The following HERC4 variants were observed in gnomAD, a reference collection of about 807,000 sequenced individuals.
The protein encoded by HERC4 is HECT and RLD domain containing E3 ubiquitin protein ligase 4.
HERC4 carries 28 observed loss-of-function variants against 124.3 expected under a neutral mutation model. That is an observed-to-expected ratio of 0.23 (90% CI 0.17 to 0.31). The LOEUF is 0.31. Ranked by LOEUF, HERC4 falls within the 10% of genes least tolerant of loss-of-function variation. The probability of loss-of-function intolerance (pLI) is 1.00; values close to 1 mark genes in which losing one functional copy is unlikely to be tolerated. For missense variants in HERC4, 713 were observed against 1,229.3 expected (o/e 0.58, Z 6.28); for synonymous variants, 407 against 421.5 (o/e 0.97, Z 0.42).
chr10:67,990,301 G>A lies in HERC4; in HGVS notation c.1543C>T (p.Leu515=). The change falls in exon 14 of 25, where the codon CTG becomes TTG. Residue 515 remains leucine (L), a synonymous_variant. Coordinates refer to ENST00000373700, the MANE Select transcript of HERC4 (RefSeq NM_015601.4). ...GTGAAATTGTTGGAATCACTCATCA[G>A]GGGACATTCTGGTAGAGTAAGATAA... The part of the protein sequence containing the change: ...RFYLTLPECP[L]MSDSNNFTTI... The A allele has an allele frequency of 6.2e-7, 1 of 1,612,732 alleles. No homozygotes were observed. Among genetic ancestry groups the A allele is most frequent in the Non-Finnish European group, 8.5e-7 (1 of 1,179,116 alleles).
intron 3 of HERC4, among the ~76,000 whole-genome samples, chr10:68,066,587 T>C (rs2041313842): frequency 6.6e-6 from 1 of 152,212 alleles, no homozygotes; most frequent in Non-Finnish European, 1.5e-5. Flanking sequence ...ACCAAACCAA[T>C]GCATCTTAGA....
At chr10:68,059,748 T>TAATATTATATATCATAATATTATATATC (rs2040849762) in intron 3 of HERC4, among the ~76,000 whole-genome samples, 1 of 72,340 alleles carries the variant, frequency 1.4e-5, no homozygotes, top group Non-Finnish European at 2.0e-5. Context: ...TATTATATAT[T>TAATATTATATATCATAATATTATATATC]ATAATATTAT....
At chr10:67,942,700 G>A (rs1365567443) in intron 19 of HERC4, among the ~76,000 whole-genome samples, 1 of 151,980 alleles carries the variant, frequency 6.6e-6, no homozygotes, top group East Asian at 1.9e-4. Context: ...CAGTAGAAAT[G>A]GGGTTTCTCC....
intron 3 of HERC4, among the ~76,000 whole-genome samples, chr10:68,065,014 T>C (rs2041232837): frequency 6.6e-6 from 1 of 151,988 alleles, no homozygotes. Flanking sequence ...TAAATAAATT[T>C]TGGTACATCT....
At chr10:68,012,429 T>A (rs1327404853) in intron 9 of HERC4, among the ~76,000 whole-genome samples, 1 of 152,226 alleles carries the variant, frequency 6.6e-6, no homozygotes, top group Non-Finnish European at 1.5e-5. Context: ...TTTTCACTTA[T>A]GTACTTAGAG....
chr10:67,970,591 CAAA>C (rs34981836), intron 15 of HERC4, among the ~76,000 whole-genome samples: 1 of 111,896 alleles, frequency 8.9e-6, no homozygotes, highest in Non-Finnish European at 1.8e-5. Flanking sequence ...GACTCTGTCT[CAAA>C]AAAAAAAAAA....
chr10:68,073,212 T>C, intron 2 of HERC4, 26 bp from the exon 3 acceptor site: 1 of 802,740 alleles, frequency 1.2e-6, no homozygotes, highest in Non-Finnish European at 2.0e-6. Context: ...GAAGTTAATA[T>C]GACTTCAAAG....
chr10:68,018,102 T>C (rs936559857), intron 8 of HERC4, among the ~76,000 whole-genome samples: 5 of 151,930 alleles, frequency 3.3e-5, no homozygotes, highest in African/African-American at 9.7e-5. Flanking sequence ...ATAGATCAAG[T>C]TCACTGATAA....
At chr10:68,044,622 T>C (rs1393401562) in intron 3 of HERC4, 59 bp from the exon 4 acceptor site, 18 of 1,488,796 alleles carry the variant, frequency 1.2e-5, no homozygotes, top group Middle Eastern at 1.8e-4. Context: ...GAAAAAGATA[T>C]TGCATTCTAG....
chr10:67,952,792 C>T (rs575642074), intron 19 of HERC4, among the ~76,000 whole-genome samples: 5 of 150,772 alleles, frequency 3.3e-5, no homozygotes, highest in South Asian at 4.2e-4. Context: ...CCCAGCTACT[C>T]GGGAGGCTGA....
intron 16 of HERC4, among the ~76,000 whole-genome samples, chr10:67,962,555 AAAAG>A (rs2034591919): frequency 1.3e-5 from 2 of 152,164 alleles, no homozygotes; most frequent in Admixed American, 1.3e-4. Context: ...AAACTTCAGA[AAAAG>A]AGAGATGATT....
At chr10:68,072,771 GCTTTTAAAGCTTGATA>G in intron 3 of HERC4, 96 bp downstream of exon 3, 1 of 670,588 alleles carries the variant, frequency 1.5e-6, no homozygotes. Flanking sequence ...CTTCTACTTT[GCTTTTAAAGCTTGATA>G]AACATATAGT....
At chr10:68,033,468 T>C (rs527596577) in intron 6 of HERC4, among the ~76,000 whole-genome samples, 5 of 152,320 alleles carry the variant, frequency 3.3e-5, no homozygotes, top group East Asian at 3.9e-4. Context: ...AATGTAATCA[T>C]GAAAAATAAG....
chr10:68,038,089 T>C lies in HERC4; in HGVS notation c.463+4A>G. The C allele has an allele frequency of 1.4e-6, 2 of 1,451,424 alleles. No individual in the cohort carries two copies. The highest frequency in any genetic ancestry group is 2.5e-5 in the East Asian group (1 of 39,528). 89.9% of individuals were successfully genotyped at this position (1,451,424 alleles called of 1,614,324 possible). Reference sequence around the variant, plus strand: ...AGAGAAATAAAATAAAAACTAATGCTTACCTTTAGAAAGTGCAAGTGAATG... The same window carrying C: ...AGAGAAATAAAATAAAAACTAATGCCTACCTTTAGAAAGTGCAAGTGAATG... On this transcript the variant is annotated splice_donor_region_variant and intron_variant, in intron 5 of 24. Coordinates refer to ENST00000373700, the MANE Select transcript of HERC4 (RefSeq NM_015601.4).
At chr10:68,069,398 G>A in intron 3 of HERC4, 3 of 985,228 alleles carry the variant, frequency 3.0e-6, no homozygotes, top group Non-Finnish European at 3.6e-6. Flanking sequence ...AGCCAGTAGT[G>A]ATAGAAAAGG....
At chr10:67,948,359 A>T (rs1483416997) in intron 19 of HERC4, among the ~76,000 whole-genome samples, 3 of 152,186 alleles carry the variant, frequency 2.0e-5, no homozygotes, top group African/African-American at 7.2e-5. Flanking sequence ...AAGTGGGCTA[A>T]GGACATGAAT....
chr10:68,061,879 T>TAAAAAAAAAAAAAAAAAAAAAAA (rs71470503), intron 3 of HERC4, among the ~76,000 whole-genome samples: 1 of 54,888 alleles, frequency 1.8e-5, no homozygotes, highest in African/African-American at 8.3e-5. Context: ...AGACTCCATT[T>TAAAAAAAAAAAAAAAAAAAAAAA]AAAAAAAAAA....
At chr10:68,004,605 T>C (rs1274555878) in intron 9 of HERC4, among the ~76,000 whole-genome samples, 1 of 152,144 alleles carries the variant, frequency 6.6e-6, no homozygotes, top group African/African-American at 2.4e-5. Flanking sequence ...TTCATGCTGC[T>C]ATAAAAAATT....
intron 7 of HERC4, among the ~76,000 whole-genome samples, chr10:68,030,794 A>G (rs1387600500): frequency 6.6e-6 from 1 of 152,232 alleles, no homozygotes; most frequent in Non-Finnish European, 1.5e-5. Flanking sequence ...TACAGAATAC[A>G]TCTGCAAATA....
Sources: gnomAD v4.1 joint callset for allele counts (sites outside exome capture counted in the v4.1 genomes callset) on GRCh38, gnomAD v4.1.1 for gene constraint, MANE v1.5 for transcripts, NCBI Gene and HGNC (gene_info 2026-07-23, HGNC 2026-07-21) for gene names.